PIWIL4: variants seen among roughly 807,000 people sequenced by gnomAD.
The protein encoded by PIWIL4 is piwi-like protein 4.
In PIWIL4, 50 loss-of-function variants were observed where a neutral mutation model predicts 100.9. The observed-to-expected ratio is 0.50, with a 90% CI of 0.39 to 0.63. PIWIL4 has a LOEUF of 0.63. Among genes scored for constraint, PIWIL4 ranks in the 20% least tolerant of loss-of-function variants. PIWIL4 has a pLI of 0.00. For synonymous variants in PIWIL4, 342 were observed against 367.5 expected, an observed-to-expected ratio of 0.93 and a Z score of 0.79; for missense variants, 887 against 1,043.3, an observed-to-expected ratio of 0.85 and a Z score of 2.06.
chr11:94,619,784 C>T lies in PIWIL4; in HGVS notation c.2193C>T (p.Val731=), dbSNP rs998587845. ...NTSSRLSVIV[V]RKKCMPRFFT... ...GCTCAAGACTGTCGGTGATTGTGGTCAGGAAGAAGTGCATGCCACGATTCT... is the reference window on the plus strand; with the variant it reads ...GCTCAAGACTGTCGGTGATTGTGGTTAGGAAGAAGTGCATGCCACGATTCT... Residue 731 remains valine (V), a synonymous_variant, in exon 18 of 20, where the codon GTC becomes GTT. Coordinates refer to ENST00000299001, the MANE Select transcript of PIWIL4 (RefSeq NM_152431.3). 1 of 1,613,968 alleles carries T rather than the reference C, an allele frequency of 6.2e-7. No individual in the cohort carries two copies. The highest frequency in any genetic ancestry group is 8.5e-7 in the Non-Finnish European group (1 of 1,179,964).
chr11:94,583,367 C>T, intron 4 of PIWIL4, 81 bp from the exon 5 acceptor site: 1 of 1,495,146 alleles, frequency 6.7e-7, no homozygotes, highest in South Asian at 1.2e-5. Flanking sequence ...ATGCATATTA[C>T]ATTGTGATGG....
chr11:94,600,185 A>G (rs1248974038), intron 11 of PIWIL4, among the ~76,000 whole-genome samples: 2 of 152,094 alleles, frequency 1.3e-5, no homozygotes, highest in African/African-American at 2.4e-5. Context: ...AGACCTTTTG[A>G]GAGTGAGAAA....
rs143752404 is a variant in PIWIL4, at chr11:94,601,935, A to G, written c.1521A>G (p.Arg507=). 3.9e-5 allele frequency: 63 copies of G among 1,613,646 alleles called. No individual in the cohort carries two copies. In the African/African-American group the frequency reaches 6.8e-4, roughly 17 times the overall value. ...CCGAGAGCTTTCTGAACTGCTTGAG[A>G]AGAGTTGCAGGTTCCATGGGATTTA... ...YVAESFLNCL[R]RVAGSMGFNV... Residue 507 remains arginine (R), a synonymous_variant, in exon 12 of 20, where the codon AGA becomes AGG. Coordinates refer to ENST00000299001, the MANE Select transcript of PIWIL4 (RefSeq NM_152431.3).
Position 94,567,513 on chromosome 11 carries a change from G to A in PIWIL4, c.-6G>A, listed in dbSNP as rs1055979539. ...CTCTTGTGGCCACTCTGGGCTCACC[G>A]GGAACATGAGTGGAAGAGCCCGAGT... On this transcript the variant is annotated 5_prime_UTR_variant, in exon 1 of 20. Transcript: ENST00000299001. 3 of 1,584,728 alleles carry A rather than the reference G, an allele frequency of 1.9e-6. No individual in the cohort carries two copies. The highest frequency in any genetic ancestry group is 1.8e-5 in the Admixed American group (1 of 57,052).
chr11:94,568,751 A>G lies in PIWIL4; in HGVS notation c.109A>G (p.Asn37Asp). 6.2e-7 allele frequency: 1 copy of G among 1,608,600 alleles called. No individual in the cohort carries two copies. Among genetic ancestry groups the G allele is most frequent in the Non-Finnish European group, 8.5e-7 (1 of 1,175,006 alleles). The change falls in exon 2 of 20, where the codon AAC becomes GAC. Residue 37 changes from asparagine (N) to aspartate (D), a missense_variant. Asn to Asp is a conservative substitution (Grantham distance 23). Transcript: ENST00000299001. ...TTAGCCTAGATCTGTTGATCTTAGT[A>G]ACAATGAAGCATCCTCTAGCAATGG... ...SPLPRSVDLS[N>D]NEASSSNGFL...
intron 3 of PIWIL4, among the ~76,000 whole-genome samples, chr11:94,575,739 T>C (rs1357328053): frequency 1.3e-5 from 2 of 152,220 alleles, no homozygotes; most frequent in Non-Finnish European, 2.9e-5. Flanking sequence ...TCTTCCTTTC[T>C]GTTTTATTCT....
chr11:94,570,025 A>G (rs1948129150), intron 2 of PIWIL4, among the ~76,000 whole-genome samples: 1 of 152,158 alleles, frequency 6.6e-6, no homozygotes, highest in Non-Finnish European at 1.5e-5. Context: ...GCTTGGAAGG[A>G]TGGTAGAAAC....
intron 2 of PIWIL4, among the ~76,000 whole-genome samples, chr11:94,570,688 C>G (rs977083867): frequency 6.6e-6 from 1 of 152,082 alleles, no homozygotes; most frequent in African/African-American, 2.4e-5. Flanking sequence ...GTCAGGAGTT[C>G]GAGACCAGCC....
intron 16 of PIWIL4, 63 bp from the exon 17 acceptor site, chr11:94,617,891 G>A (rs773860614): frequency 6.5e-7 from 1 of 1,545,500 alleles, no homozygotes; most frequent in Non-Finnish European, 8.9e-7. Context: ...CAATATATGG[G>A]AATGTTATTT....
At chr11:94,616,924 A>G (rs1948854486) in intron 16 of PIWIL4, among the ~76,000 whole-genome samples, 1 of 152,134 alleles carries the variant, frequency 6.6e-6, no homozygotes, top group African/African-American at 2.4e-5. Flanking sequence ...TAGGGCTAGG[A>G]TAGGGGTGCT....
At chr11:94,569,365 G>GTT (rs201730286) in intron 2 of PIWIL4, among the ~76,000 whole-genome samples, 2 of 147,644 alleles carry the variant, frequency 1.4e-5, no homozygotes, top group South Asian at 2.1e-4. Context: ...ATTATCTTTT[G>GTT]TTTTTTTTTT....
chr11:94,593,645 A>G lies in PIWIL4; in HGVS notation c.1150+4A>G. ...CCTGAGCTCTGCTTTCTAACAGGTA[A>G]TGTTTGTGTTTTATACCTCTGTCAG... On this transcript the variant is annotated splice_donor_region_variant and intron_variant, in intron 9 of 19. Coordinates refer to ENST00000299001, the MANE Select transcript of PIWIL4 (RefSeq NM_152431.3). 6.2e-7 allele frequency: 1 copy of G among 1,613,524 alleles called. No individual in the cohort carries two copies. Among genetic ancestry groups the G allele is most frequent in the Non-Finnish European group, 8.5e-7 (1 of 1,179,648 alleles).
At chr11:94,614,650 T>C (rs761416285) in intron 15 of PIWIL4, among the ~76,000 whole-genome samples, 24 of 152,216 alleles carry the variant, frequency 1.6e-4, no homozygotes, top group Non-Finnish European at 3.1e-4. Context: ...TGCATTGCTG[T>C]CTTTGCATTT....
At chr11:94,620,818 A>T in intron 19 of PIWIL4, 58 bp from the exon 20 acceptor site, 1 of 1,342,584 alleles carries the variant, frequency 7.4e-7, no homozygotes, top group South Asian at 1.2e-5. Context: ...AATCAGAAAA[A>T]ATCTCTTTGA....
Position 94,608,573 on chromosome 11 carries a change from A to T in PIWIL4, c.1840-10A>T. ...CATCCCATTAAATCATGACAAATTT[A>T]ATTTTATAGTTAAAGTCCCTGATGG... On this transcript the variant is annotated splice_polypyrimidine_tract_variant and intron_variant, in intron 14 of 19. Coordinates refer to ENST00000299001, the MANE Select transcript of PIWIL4 (RefSeq NM_152431.3). The T allele has an allele frequency of 6.2e-7, 1 of 1,609,780 alleles. No individual in the cohort carries two copies. The highest frequency in any genetic ancestry group is 1.1e-5 in the South Asian group (1 of 90,808).
rs759656290 is a variant in PIWIL4, at chr11:94,577,267, G to A, written c.299-11G>A. On this transcript the variant is annotated splice_polypyrimidine_tract_variant and intron_variant, in intron 3 of 19. Coordinates refer to ENST00000299001, the MANE Select transcript of PIWIL4 (RefSeq NM_152431.3). ...CTGATTAAAAAATTGTTTTTTGTTT[G>A]TCTTCTTCAGGTTCCAGTGGAATAC... is the stretch of plus-strand genomic sequence containing the variant. 3 of 1,596,340 alleles carry A rather than the reference G, an allele frequency of 1.9e-6. No homozygotes were observed. The highest frequency in any genetic ancestry group is 2.2e-5 in the South Asian group (2 of 89,324).
At chr11:94,576,693 T>C (rs10765688) in intron 3 of PIWIL4, among the ~76,000 whole-genome samples, 35,928 of 152,120 alleles carry the variant, frequency 0.24, 4,528 homozygotes, top group East Asian at 0.29. Flanking sequence ...CCCAGAAACC[T>C]TGTCTGTTTT....
Position 94,581,567 on chromosome 11 carries a change from G to A in PIWIL4, c.514-1881G>A, listed in dbSNP as rs540389106. Among the ~76,000 whole-genome samples, 7 of 152,294 alleles carry A rather than the reference G, an allele frequency of 4.6e-5. No homozygotes were observed. In the South Asian group the frequency reaches 1.0e-3, roughly 23 times the overall value. ...GACTCTTCCATGGATCACTGAAGAC[G>A]TTGGAGAGCATTTCCATGGCAGCTG... On this transcript the variant is annotated intron_variant, in intron 4 of 19. Transcript: ENST00000299001.
rs773969173 is a variant in PIWIL4, at chr11:94,608,540, T to G, written c.1840-43T>G. ...CCTATTAAACCATTGGTAGGGGAAA[T>G]GATACCTCATCCCATTAAATCATGA... On this transcript the variant is annotated intron_variant, in intron 14 of 19. Transcript: ENST00000299001. 10 of 1,532,656 alleles carry G rather than the reference T, an allele frequency of 6.5e-6. No individual in the cohort carries two copies. In the South Asian group the frequency reaches 1.1e-4, roughly 17 times the overall value. 94.9% of individuals were successfully genotyped at this position (1,532,656 alleles called of 1,614,324 possible). A position where few individuals can be genotyped will look rare whatever the true frequency, so the allele number is the denominator to read the frequency against.
Sources: gnomAD v4.1 joint callset for allele counts (sites outside exome capture counted in the v4.1 genomes callset) on GRCh38, gnomAD v4.1.1 for gene constraint, MANE v1.5 for transcripts, NCBI Gene and HGNC (gene_info 2026-07-23, HGNC 2026-07-21) for gene names.